Variants in DAB1 observed in about 807,000 individuals in gnomAD.
DAB1 encodes DAB adaptor protein 1, also known as disabled homolog 1.
A neutral mutation model predicts 64.6 loss-of-function variants in DAB1; 15 were observed. That is an observed-to-expected ratio of 0.23 (90% CI 0.16 to 0.36). DAB1 has a LOEUF of 0.36. Among genes scored for constraint, DAB1 ranks in the 10% least tolerant of loss-of-function variants. The probability of loss-of-function intolerance (pLI) is 1.00; values close to 1 mark genes in which losing one functional copy is unlikely to be tolerated. For synonymous variants in DAB1, 235 were observed against 251.9 expected (o/e 0.93, Z 0.64); for missense variants, 596 against 706.7 (o/e 0.84, Z 1.78).
Position 58,072,230 on chromosome 1 carries a change from G to A in DAB1, n.387+78281C>T, listed in dbSNP as rs368913202. 3.1e-3 allele frequency among the ~76,000 whole-genome samples: 474 copies of A among 152,146 alleles called. 2 individuals carry two copies. Among genetic ancestry groups the A allele is most frequent in the African/African-American group, 0.011 (453 of 41,490 alleles). On this transcript the variant is annotated intron_variant and non_coding_transcript_variant, in intron 5 of 20. Transcript: ENST00000485760. ...TTAATTTGATGCTTGTTAAAAACTTGAGAAAGACAAATATTGCCATAATCA... is the reference window on the plus strand; with the variant it reads ...TTAATTTGATGCTTGTTAAAAACTTAAGAAAGACAAATATTGCCATAATCA...
Position 56,999,252 on chromosome 1 carries a change from C to T in DAB1, c.*16-1124G>A, listed in dbSNP as rs999430891. On this transcript the variant is annotated intron_variant, in intron 14 of 14. Coordinates refer to ENST00000371236, the MANE Select transcript of DAB1 (RefSeq NM_001365792.1). ...TCACAACAGCCTTGTAAGGCAGATG[C>T]TTTATCTCTTTTGCAAGGGTGAAAT... Among the ~76,000 whole-genome samples, 4 of 152,286 alleles carry T rather than the reference C, an allele frequency of 2.6e-5. No individual in the cohort carries two copies. In the East Asian group the frequency reaches 5.8e-4, roughly 22 times the overall value.
chr1:57,450,969 T>G (rs577343802), intron 7 of DAB1, among the ~76,000 whole-genome samples: 49 of 152,320 alleles, frequency 3.2e-4, no homozygotes, highest in African/African-American at 1.1e-3. Context: ...ACTTAAAACG[T>G]CTTTCTTTTA....
At chr1:58,316,324 G>A (rs1370251922) in intron 4 of DAB1, among the ~76,000 whole-genome samples, 1 of 152,176 alleles carries the variant, frequency 6.6e-6, no homozygotes, top group Non-Finnish European at 1.5e-5. Context: ...TTACTTACTG[G>A]CACACAACAG....
At chr1:57,170,012 T>A (rs1322477554) in intron 2 of DAB1, among the ~76,000 whole-genome samples, 1 of 151,560 alleles carries the variant, frequency 6.6e-6, no homozygotes, top group Non-Finnish European at 1.5e-5. Context: ...TTTTTTTTTT[T>A]TTAAGACAGA....
chr1:57,584,639 T>A (rs2068961), intron 7 of DAB1, among the ~76,000 whole-genome samples: 30,973 of 152,164 alleles, frequency 0.2, 3,846 homozygotes, highest in Non-Finnish European at 0.27. Flanking sequence ...AGACCTATTA[T>A]TCCAGACATG....
At position 58,354,557 on chromosome 1, in the gene DAB1, A is replaced by T. The variant is rs148362550; in HGVS notation, n.258-11154T>A. Among the ~76,000 whole-genome samples the T allele has an allele frequency of 2.0e-5, 3 of 152,288 alleles. No homozygotes were observed. The East Asian group carries it at 5.8e-4, about 29-fold the overall frequency. ...AGTGAGTAGTTATAATAGATATGCAAATATTGGTCTTTTCTTAAAGGTCTT... is the reference window on the plus strand; with the variant it reads ...AGTGAGTAGTTATAATAGATATGCATATATTGGTCTTTTCTTAAAGGTCTT... On this transcript the variant is annotated intron_variant and non_coding_transcript_variant, in intron 3 of 20. Coordinates refer to the DAB1 transcript ENST00000485760.
At chr1:57,252,305 A>T (rs563127958) in intron 2 of DAB1, among the ~76,000 whole-genome samples, 1 of 152,262 alleles carries the variant, frequency 6.6e-6, no homozygotes, top group Admixed American at 6.5e-5. Flanking sequence ...AGTCCCTATA[A>T]TCTAAGTCCT....
chr1:57,394,990 C>T (rs1332579039), intron 1 of DAB1, among the ~76,000 whole-genome samples: 1 of 152,144 alleles, frequency 6.6e-6, no homozygotes, highest in Non-Finnish European at 1.5e-5. Flanking sequence ...TGCATTTCTG[C>T]CCATCAAAGG....
At chr1:58,366,503 C>A (rs2185667) in intron 3 of DAB1, among the ~76,000 whole-genome samples, 5,144 of 152,232 alleles carry the variant, frequency 0.034, 283 homozygotes, top group African/African-American at 0.12. Context: ...CTATAGGCAT[C>A]AAAGACTTTG....
At chr1:57,073,013 A>G (rs1442088447) in intron 4 of DAB1, among the ~76,000 whole-genome samples, 1 of 152,144 alleles carries the variant, frequency 6.6e-6, no homozygotes, top group Non-Finnish European at 1.5e-5. Flanking sequence ...TGCCTGCAAC[A>G]TCAACTCTTT....
At chr1:57,908,206 G>T (rs980408249) in intron 5 of DAB1, among the ~76,000 whole-genome samples, 2 of 151,998 alleles carry the variant, frequency 1.3e-5, no homozygotes, top group African/African-American at 4.8e-5. Context: ...CCAGGGCCCA[G>T]GTCCCCAGAA....
At chr1:58,210,428 G>A (rs946087743) in intron 4 of DAB1, among the ~76,000 whole-genome samples, 5 of 152,192 alleles carry the variant, frequency 3.3e-5, no homozygotes, top group Non-Finnish European at 7.4e-5. Flanking sequence ...AGTATGTCAT[G>A]AGAAACATTT....
chr1:58,033,105 G>A (rs1646993970), intron 5 of DAB1, among the ~76,000 whole-genome samples: 1 of 152,130 alleles, frequency 6.6e-6, no homozygotes, highest in Non-Finnish European at 1.5e-5. Flanking sequence ...CTGTGCTCCT[G>A]GAGGCTGTTC....
intron 4 of DAB1, among the ~76,000 whole-genome samples, chr1:58,233,033 T>C (rs1410916734): frequency 6.6e-6 from 1 of 152,206 alleles, no homozygotes; most frequent in East Asian, 1.9e-4. Context: ...TAGCACATAG[T>C]AGAGACTCAA....
At chr1:57,036,305 C>G (rs977323903) in intron 9 of DAB1, among the ~76,000 whole-genome samples, 5 of 152,156 alleles carry the variant, frequency 3.3e-5, no homozygotes, top group African/African-American at 4.8e-5. Flanking sequence ...TTGCCCTGCT[C>G]TTGGCTACAG....
intron 2 of DAB1, among the ~76,000 whole-genome samples, chr1:57,186,308 T>G (rs1663556874): frequency 1.3e-5 from 2 of 152,160 alleles, no homozygotes; most frequent in South Asian, 4.1e-4. Context: ...AAAACCCACA[T>G]GTTGTGTCCA....
intron 7 of DAB1, among the ~76,000 whole-genome samples, chr1:57,457,152 C>T (rs1686626336): frequency 6.6e-6 from 1 of 152,146 alleles, no homozygotes; most frequent in South Asian, 2.1e-4. Flanking sequence ...TACACTTCAT[C>T]TTATCAGAGT....
chr1:58,363,305 A>G (rs1644184177), intron 3 of DAB1, among the ~76,000 whole-genome samples: 1 of 152,186 alleles, frequency 6.6e-6, no homozygotes, highest in Non-Finnish European at 1.5e-5. Flanking sequence ...AAAATTAAAG[A>G]CTAAGCAGAT....
At chr1:57,210,005 T>G (rs1205999362) in intron 2 of DAB1, among the ~76,000 whole-genome samples, 2 of 152,234 alleles carry the variant, frequency 1.3e-5, no homozygotes, top group African/African-American at 2.4e-5. Flanking sequence ...GTGACCTTAC[T>G]TAGCCAAATG....
Sources: gnomAD v4.1 joint callset for allele counts (sites outside exome capture counted in the v4.1 genomes callset) on GRCh38, gnomAD v4.1.1 for gene constraint, MANE v1.5 for transcripts, NCBI Gene and HGNC (gene_info 2026-07-23, HGNC 2026-07-21) for gene names.